Variants in GPR50 observed in about 807,000 individuals in gnomAD.
GPR50 encodes melatonin-related receptor.
Under a neutral mutation model 2.6 loss-of-function variants are expected in GPR50, and 1 was observed. That is an observed-to-expected ratio of 0.38 (90% CI 0.13 to 1.79). The LOEUF (loss-of-function observed/expected upper bound fraction) is 1.79. Among genes scored for constraint, GPR50 ranks in the 40% most tolerant of loss-of-function variants. GPR50 has a pLI of 0.33. For missense variants in GPR50, 535 were observed against 522.1 expected, an observed-to-expected ratio of 1.02 and a Z score of -0.24; for synonymous variants, 233 against 202.3, an observed-to-expected ratio of 1.15 and a Z score of -1.29.
At chrX:151,182,225 T>A (rs192382962), downstream of GPR50, among the ~76,000 whole-genome samples, 7 of 112,065 alleles carry the variant, frequency 6.2e-5, no homozygotes, top group African/African-American at 2.3e-4. Context: ...TTTACCTTTT[T>A]TAGCATTTGC....
At position 151,180,546 on chromosome X, in the gene GPR50, C is replaced by A. The variant is rs1416648327; in HGVS notation, c.963C>A (p.Gly321=). The change falls in exon 2 of 2, where the codon GGC becomes GGA. Residue 321 remains glycine, a synonymous_variant. Coordinates refer to ENST00000218316, the MANE Select transcript of GPR50 (RefSeq NM_004224.3). The stretch of plus-strand genomic sequence containing the variant: ...GGCACCCTATCATATTCTTCTCTGG[C>A]CTCATCAGTGATATTCGTGAGATGC... ...AMRHPIIFFS[G]LISDIREMQE... is the part of the protein sequence containing the mutation. The A allele has an allele frequency of 6.4e-5, 78 of 1,209,397 alleles. No individual in the cohort carries two copies. The East Asian group carries it at 2.3e-3, about 35-fold the overall frequency.
chrX:151,181,846 G>C (rs2048717314), downstream of GPR50, among the ~76,000 whole-genome samples: 1 of 112,094 alleles, frequency 8.9e-6, no homozygotes, highest in Non-Finnish European at 1.9e-5. Flanking sequence ...TGGGAGAGGG[G>C]TATGTGCGCA....
Position 151,181,176 on chromosome X carries a change from C to T in GPR50, c.1593C>T (p.Pro531=), listed in dbSNP as rs770730574. The T allele has an allele frequency of 9.3e-5, 113 of 1,208,926 alleles. No individual in the cohort carries two copies. The Middle Eastern group carries it at 4.1e-3, about 44-fold the overall frequency. The part of the protein sequence containing the change: ...PKPATTSHPK[P]TAADNPELSA... ...CTGCCACTACCAGCCACCCTAAGCC[C>T]ACTGCTGCTGACAACCCTGAGCTCT... The change falls in exon 2 of 2, where the codon CCC becomes CCT. Residue 531 remains proline, a synonymous_variant. Coordinates refer to ENST00000218316, the MANE Select transcript of GPR50 (RefSeq NM_004224.3).
In GPR50 at chrX:151,180,773, G is replaced by A. The variant is rs200441669; in HGVS notation, c.1190G>A (p.Arg397His). 8.3e-6 allele frequency: 10 copies of A among 1,209,565 alleles called. No homozygotes were observed. The highest frequency in any genetic ancestry group is 3.5e-5 in the South Asian group (2 of 56,842). The change falls in exon 2 of 2, where the codon CGC becomes CAC. Residue 397 changes from arginine (R) to histidine (H), a missense_variant. Transcript: ENST00000218316. Reference sequence around the variant, plus strand: ...CATTCCAGATCCTCCTCTGCCTATCGCAAATCTGCCTCTACCCACCACAAG... The same window carrying A: ...CATTCCAGATCCTCCTCTGCCTATCACAAATCTGCCTCTACCCACCACAAG... ...KPHSRSSSAY[R>H]KSASTHHKSV...
At chrX:151,177,651 T>TG (rs781566902) in intron 1 of GPR50, 2 of 111,636 alleles carry the variant, frequency 1.8e-5, no homozygotes, top group African/African-American at 3.3e-5. Flanking sequence ...AGCGGGGAAC[T>TG]GGGGGGTCGC....
intron 1 of GPR50, among the ~76,000 whole-genome samples, chrX:151,178,899 C>G (rs2048695423): frequency 8.9e-6 from 1 of 112,398 alleles, no homozygotes; most frequent in South Asian, 3.7e-4. Context: ...CCTGTTTAAC[C>G]TGAAGGCTCC....
rs2048710605 is a variant in GPR50, at chrX:151,180,996, C to T, written c.1413C>T (p.Ser471=). The change falls in exon 2 of 2, where the codon TCC becomes TCT. Residue 471 remains serine (S), a synonymous_variant. Coordinates refer to ENST00000218316, the MANE Select transcript of GPR50 (RefSeq NM_004224.3). ...KPDSVHFKPA[S]SNPKPITGHH... is the part of the protein sequence containing the mutation. ...ACTCTGTTCATTTCAAGCCTGCTTC[C>T]AGCAACCCCAAGCCCATCACTGGCC... The T allele has an allele frequency of 8.3e-7, 1 of 1,208,962 alleles. No homozygotes were observed. The highest frequency in any genetic ancestry group is 1.8e-5 in the African/African-American group (1 of 56,897).
intron 1 of GPR50, 83 bp from the exon 2 acceptor site, chrX:151,179,688 C>T (rs919558158): frequency 1.2e-5 from 8 of 671,345 alleles, no homozygotes; most frequent in East Asian, 3.2e-5. Flanking sequence ...TTCCCCTGCA[C>T]CTTAAATGTG....
rs1441248107 is a variant in GPR50, at chrX:151,180,421, T to C, written c.838T>C (p.Tyr280His). The stretch of plus-strand genomic sequence containing the variant: ...CCCCAACTGGCTTTATCTTGCAGCC[T>C]ACTTCATAGCCTACTTCAACAGCTG... The part of the protein sequence containing the change: ...KIPNWLYLAA[Y>H]FIAYFNSCLN... The change falls in exon 2 of 2, where the codon TAC (tyrosine) becomes CAC (histidine). Residue 280 changes from tyrosine (Y) to histidine (H), a missense_variant. Coordinates refer to ENST00000218316, the MANE Select transcript of GPR50 (RefSeq NM_004224.3). 2 of 1,211,649 alleles carry C rather than the reference T, an allele frequency of 1.7e-6. No homozygotes were observed. The highest frequency in any genetic ancestry group is 3.5e-5 in the South Asian group (2 of 56,945).
Position 151,180,725 on chromosome X carries a change from G to C in GPR50, c.1142G>C (p.Arg381Pro). 1.7e-6 allele frequency: 2 copies of C among 1,210,612 alleles called. No homozygotes were observed. Among genetic ancestry groups the C allele is most frequent in the Non-Finnish European group, 2.2e-6 (2 of 894,915 alleles). Residue 381 changes from arginine to proline, a missense_variant, in exon 2 of 2, where the codon CGT (arginine) becomes CCT (proline). Physicochemically the swap from Arg to Pro is moderately radical, Grantham distance 103. Coordinates refer to ENST00000218316, the MANE Select transcript of GPR50 (RefSeq NM_004224.3). ...GATGCTGCAGCTGGCCACCCCGACCGTGCCTCTGGCCACCCTAAGCCCCAT... is the reference window on the plus strand; with the variant it reads ...GATGCTGCAGCTGGCCACCCCGACCCTGCCTCTGGCCACCCTAAGCCCCAT... The part of the protein sequence containing the change: ...PGDAAAGHPD[R>P]ASGHPKPHSR...
At chrX:151,177,978 C>G (rs757522921) in intron 1 of GPR50, 19 of 109,554 alleles carry the variant, frequency 1.7e-4, no homozygotes, top group African/African-American at 5.7e-4. Flanking sequence ...AGCAGCTAGT[C>G]CGGCTTACAG....
rs373352073 is a variant in GPR50, at chrX:151,180,456, T to A, written c.873T>A (p.Ala291=). Residue 291 remains alanine, a synonymous_variant, in exon 2 of 2, where the codon GCT becomes GCA. Coordinates refer to ENST00000218316, the MANE Select transcript of GPR50 (RefSeq NM_004224.3). ...CCTACTTCAACAGCTGCCTCAACGC[T>A]GTGATCTACGGGCTCCTCAATGAGA... is the stretch of plus-strand genomic sequence containing the variant. ...FIAYFNSCLN[A]VIYGLLNENF... 1.7e-5 allele frequency: 20 copies of A among 1,209,290 alleles called. No individual in the cohort carries two copies. Among genetic ancestry groups the A allele is most frequent in the Admixed American group, 1.5e-4 (7 of 45,819 alleles).
In GPR50 at chrX:151,180,926, CTGACTCTGTCCATTTCAAGGG is replaced by C. The variant is rs779908175; in HGVS notation, c.1363_1383del (p.Gly455_Lys461del). 1.7e-6 allele frequency: 2 copies of C among 1,211,144 alleles called. No homozygotes were observed. The highest frequency in any genetic ancestry group is 1.8e-5 in the South Asian group (1 of 56,951). Reference sequence around the variant, plus strand: ...AAGCCTGCCTCTGTCCATTTCAAGGCTGACTCTGTCCATTTCAAGGGTGACTCTGTCCATTTCAAGCCTGAC... The same window carrying C: ...AAGCCTGCCTCTGTCCATTTCAAGGCTGACTCTGTCCATTTCAAGCCTGAC... On this transcript the variant is annotated inframe_deletion, in exon 2 of 2. Coordinates refer to ENST00000218316, the MANE Select transcript of GPR50 (RefSeq NM_004224.3).
downstream of GPR50, chrX:151,182,796 C>T (rs1018357137): frequency 6.2e-5 from 7 of 112,776 alleles, no homozygotes; most frequent in African/African-American, 2.3e-4. Context: ...ATGTATTATA[C>T]TGCCTTAATT....
chrX:151,178,200 G>A (rs1192239407), intron 1 of GPR50, among the ~76,000 whole-genome samples: 1 of 112,020 alleles, frequency 8.9e-6, no homozygotes, highest in African/African-American at 3.2e-5. Context: ...GTGGCGGCCG[G>A]GGTCTGGGGG....
At position 151,176,589 on chromosome X, in the gene GPR50, C is replaced by T. The variant is rs184842179; in HGVS notation, c.-133C>T. 3.3e-4 allele frequency: 145 copies of T among 445,422 alleles called. No individual in the cohort carries two copies. The African/African-American group carries it at 3.5e-3, about 11-fold the overall frequency. The allele number at this position is 445,422 out of a possible 1,213,427, so 36.7% of individuals were successfully genotyped here. On this transcript the variant is annotated 5_prime_UTR_variant, in exon 1 of 2. Transcript: ENST00000218316. The stretch of plus-strand genomic sequence containing the variant: ...TCATCGGAGAGGGGCGGGATGCTGT[C>T]ATTTGCTCTCTGACTCTCAGAGAGG...
Position 151,180,431 on chromosome X carries a change from C to T in GPR50, c.848C>T (p.Ala283Val), listed in dbSNP as rs1304969433. 2 of 1,209,397 alleles carry T rather than the reference C, an allele frequency of 1.7e-6. No individual in the cohort carries two copies. The highest frequency in any genetic ancestry group is 3.5e-5 in the African/African-American group (2 of 57,071). ...CTTTATCTTGCAGCCTACTTCATAGCCTACTTCAACAGCTGCCTCAACGCT... is the reference window on the plus strand; with the variant it reads ...CTTTATCTTGCAGCCTACTTCATAGTCTACTTCAACAGCTGCCTCAACGCT... Reference protein sequence around the residue: ...NWLYLAAYFIAYFNSCLNAVI... With the variant: ...NWLYLAAYFIVYFNSCLNAVI... The change falls in exon 2 of 2, where the codon GCC (alanine) becomes GTC (valine). Residue 283 changes from alanine to valine, a missense_variant. Physicochemically the swap from Ala to Val is moderately conservative, Grantham distance 64. Coordinates refer to ENST00000218316, the MANE Select transcript of GPR50 (RefSeq NM_004224.3).
In GPR50 at chrX:151,180,665, C is replaced by T. The variant is rs778133759; in HGVS notation, c.1082C>T (p.Thr361Ile). The T allele has an allele frequency of 2.1e-5, 25 of 1,209,752 alleles. No homozygotes were observed. The highest frequency in any genetic ancestry group is 3.0e-5 in the East Asian group (1 of 33,751). Residue 361 changes from threonine to isoleucine, a missense_variant, in exon 2 of 2, where the codon ACC becomes ATC. Transcript: ENST00000218316. ...RAHACPAVEE[T>I]PMNVRNVPLP... The stretch of plus-strand genomic sequence containing the variant: ...CATGCCTGTCCTGCTGTGGAGGAAA[C>T]CCCGATGAATGTCCGGAATGTTCCA...
chrX:151,180,367 G>A lies in GPR50; in HGVS notation c.784G>A (p.Val262Ile). The A allele has an allele frequency of 1.7e-6, 2 of 1,210,985 alleles. No homozygotes were observed. The highest frequency in any genetic ancestry group is 2.2e-6 in the Non-Finnish European group (2 of 895,074). The stretch of plus-strand genomic sequence containing the variant: ...CAACGTGCTCACTGTCTTGGTGGCT[G>A]TCAGTCCGAAGGAGATGGCAGGCAA... Reference protein sequence around the residue: ...PINVLTVLVAVSPKEMAGKIP... With the variant: ...PINVLTVLVAISPKEMAGKIP... Residue 262 changes from valine (V) to isoleucine (I), a missense_variant, in exon 2 of 2, where the codon GTC (valine) becomes ATC (isoleucine). Coordinates refer to ENST00000218316, the MANE Select transcript of GPR50 (RefSeq NM_004224.3).
Sources: allele counts gnomAD v4.1 joint callset (sites outside exome capture counted in the v4.1 genomes callset), GRCh38; gene constraint gnomAD v4.1.1; transcripts MANE v1.5; gene names NCBI Gene and HGNC (gene_info 2026-07-23, HGNC 2026-07-21).